Variants in ADGRB3 observed in about 807,000 individuals in gnomAD.
ADGRB3 encodes adhesion G protein-coupled receptor B3.
ADGRB3 carries 37 observed loss-of-function variants against 193.4 expected under a neutral mutation model. The ratio of observed to expected loss-of-function variants is 0.19; its 90% confidence interval spans 0.15 to 0.25. The LOEUF is 0.25. ADGRB3 is among the 10% of genes least tolerant of loss of function. The probability of loss-of-function intolerance (pLI) is 1.00; values close to 1 mark genes in which losing one functional copy is unlikely to be tolerated. For missense variants in ADGRB3, 1,637 were observed against 1,852.9 expected, an observed-to-expected ratio of 0.88 and a Z score of 2.14; for synonymous variants, 690 against 644.2, an observed-to-expected ratio of 1.07 and a Z score of -1.08.
chr6:69,025,057 A>G (rs566815734), intron 13 of ADGRB3, among the ~76,000 whole-genome samples: 4 of 151,234 alleles, frequency 2.6e-5, no homozygotes, highest in African/African-American at 4.9e-5. Context: ...GCGCCACTGC[A>G]CTCCAGCCTG....
intron 3 of ADGRB3, among the ~76,000 whole-genome samples, chr6:68,703,851 G>A (rs922723573): frequency 1.3e-5 from 2 of 152,148 alleles, no homozygotes; most frequent in African/African-American, 4.8e-5. Context: ...TCGAACTCCT[G>A]ACCTCAAGCA....
At chr6:68,856,312 A>G (rs1764985174) in intron 3 of ADGRB3, among the ~76,000 whole-genome samples, 1 of 152,224 alleles carries the variant, frequency 6.6e-6, no homozygotes, top group East Asian at 1.9e-4. Context: ...GGAACTGGGT[A>G]ACAGGCATAG....
chr6:69,214,394 C>T (rs1020218772), intron 17 of ADGRB3, among the ~76,000 whole-genome samples: 32 of 152,180 alleles, frequency 2.1e-4, no homozygotes, highest in African/African-American at 6.7e-4. Flanking sequence ...AAGCATCCTC[C>T]GTCTCTGCTG....
intron 17 of ADGRB3, among the ~76,000 whole-genome samples, chr6:69,150,406 G>A (rs1774638950): frequency 6.6e-6 from 1 of 152,160 alleles, no homozygotes. Flanking sequence ...GGCCCACAGA[G>A]AGTAATTCCA....
chr6:69,331,574 A>C, intron 23 of ADGRB3: 1 of 985,332 alleles, frequency 1.0e-6, no homozygotes, highest in Non-Finnish European at 1.2e-6. Flanking sequence ...GGGAGCAGAA[A>C]CTGTCTATAA....
intron 8 of ADGRB3, 119 bp from the exon 9 acceptor site, chr6:68,974,640 AAAAG>A: frequency 4.2e-6 from 3 of 709,050 alleles, no homozygotes; most frequent in South Asian, 3.9e-5. Flanking sequence ...ATCTCTAAAA[AAAAG>A]AAAGAAAAAA....
intron 18 of ADGRB3, among the ~76,000 whole-genome samples, chr6:69,233,922 G>C (rs1766206340): frequency 6.6e-6 from 1 of 152,206 alleles, no homozygotes; most frequent in East Asian, 1.9e-4. Flanking sequence ...TGAAAGCATG[G>C]CTGTCAGGAA....
At chr6:68,960,410 G>C (rs1246598932) in intron 8 of ADGRB3, among the ~76,000 whole-genome samples, 1 of 152,140 alleles carries the variant, frequency 6.6e-6, no homozygotes, top group East Asian at 1.9e-4. Context: ...AAGGAGGGCA[G>C]CCGTAGTGTT....
chr6:68,968,200 C>A (rs1294643437), intron 8 of ADGRB3, among the ~76,000 whole-genome samples: 1 of 152,158 alleles, frequency 6.6e-6, no homozygotes, highest in East Asian at 1.9e-4. Context: ...CCATCAGATT[C>A]CGCAGCCGGC....
chr6:69,362,947 A>G (rs1051553670), intron 29 of ADGRB3, among the ~76,000 whole-genome samples: 2 of 152,054 alleles, frequency 1.3e-5, no homozygotes, highest in African/African-American at 4.8e-5. Context: ...ATAAGTAATC[A>G]TAATGACTAT....
At chr6:68,950,600 TAACCC>T (rs1297809975) in intron 6 of ADGRB3, among the ~76,000 whole-genome samples, 1 of 152,190 alleles carries the variant, frequency 6.6e-6, no homozygotes, top group African/African-American at 2.4e-5. Flanking sequence ...AACACTAGTC[TAACCC>T]AGTTCAATAA....
intron 12 of ADGRB3, 95 bp downstream of exon 12, chr6:69,014,201 A>G (rs1326437053): frequency 6.5e-6 from 6 of 919,538 alleles, no homozygotes. Context: ...GGAAAACAAG[A>G]TATTTTTAAG....
chr6:69,355,936 A>T, intron 28 of ADGRB3, 76 bp downstream of exon 28: 1 of 1,290,686 alleles, frequency 7.7e-7, no homozygotes. Context: ...TTTAAAGAAA[A>T]TGCTGTGGTT....
chr6:69,057,431 C>T (rs1436066005), intron 15 of ADGRB3, among the ~76,000 whole-genome samples: 2 of 151,916 alleles, frequency 1.3e-5, no homozygotes, highest in African/African-American at 4.8e-5. Flanking sequence ...TGTAGGACTT[C>T]TAGTACTATG....
At chr6:69,282,297 A>T (rs1190634250) in intron 20 of ADGRB3, among the ~76,000 whole-genome samples, 1 of 152,210 alleles carries the variant, frequency 6.6e-6, no homozygotes, top group Non-Finnish European at 1.5e-5. Context: ...CTAAATGATG[A>T]GATGGGCTTT....
intron 17 of ADGRB3, among the ~76,000 whole-genome samples, chr6:69,127,413 C>T (rs905030835): frequency 1.3e-5 from 2 of 152,168 alleles, no homozygotes; most frequent in Non-Finnish European, 2.9e-5. Context: ...TCATTTCCTG[C>T]TTATTGTCCT....
intron 3 of ADGRB3, among the ~76,000 whole-genome samples, chr6:68,848,425 A>G (rs1344686211): frequency 2.0e-5 from 3 of 152,036 alleles, no homozygotes. Context: ...TAAAACTCAA[A>G]TTTTGAGTGT....
At chr6:69,246,059 T>C (rs1023939520) in intron 20 of ADGRB3, among the ~76,000 whole-genome samples, 7 of 152,286 alleles carry the variant, frequency 4.6e-5, no homozygotes, top group Admixed American at 6.5e-5. Context: ...GTTTTAGCTC[T>C]AAGTGATTGA....
intron 8 of ADGRB3, among the ~76,000 whole-genome samples, chr6:68,963,329 C>T (rs966349424): frequency 6.6e-6 from 1 of 152,092 alleles, no homozygotes; most frequent in Non-Finnish European, 1.5e-5. Flanking sequence ...CTCTGTTACC[C>T]ATATTATGAC....
Sources: allele counts gnomAD v4.1 joint callset (sites outside exome capture counted in the v4.1 genomes callset), GRCh38; gene constraint gnomAD v4.1.1; transcripts MANE v1.5; gene names NCBI Gene and HGNC (gene_info 2026-07-23, HGNC 2026-07-21).